SEMA4D: variants seen among roughly 807,000 people sequenced by gnomAD.
The protein encoded by SEMA4D is semaphorin 4D.
A neutral mutation model predicts 74.8 loss-of-function variants in SEMA4D; 22 were observed. That is an observed-to-expected ratio of 0.29 (90% CI 0.21 to 0.42). The LOEUF (loss-of-function observed/expected upper bound fraction) is 0.42, where lower values mean the gene tolerates loss of function less well. SEMA4D is among the 10% of genes least tolerant of loss of function. The probability of loss-of-function intolerance (pLI) is 1.00; values close to 1 mark genes in which losing one functional copy is unlikely to be tolerated. For synonymous variants in SEMA4D, 445 were observed against 463.7 expected, an observed-to-expected ratio of 0.96 and a Z score of 0.52; for missense variants, 937 against 1,118.4, an observed-to-expected ratio of 0.84 and a Z score of 2.31.
chr9:89,412,177 C>T (rs917422652), intron 2 of SEMA4D, among the ~76,000 whole-genome samples: 1 of 152,232 alleles, frequency 6.6e-6, no homozygotes, highest in Non-Finnish European at 1.5e-5. Context: ...AGGAGAAACA[C>T]AAACATCCCA....
intron 16 of SEMA4D, among the ~76,000 whole-genome samples, chr9:89,371,181 G>T (rs1220924976): frequency 1.3e-4 from 16 of 123,250 alleles, no homozygotes; most frequent in African/African-American, 5.0e-4. Flanking sequence ...GTGTGTGTGG[G>T]GGGGGTGTGG....
chr9:89,480,403 T>C (rs1224325948), intron 1 of SEMA4D, among the ~76,000 whole-genome samples: 1 of 152,390 alleles, frequency 6.6e-6, no homozygotes, highest in African/African-American at 2.4e-5. Flanking sequence ...CTGCCAGTCC[T>C]GTGCCGTGCG....
intron 16 of SEMA4D, among the ~76,000 whole-genome samples, chr9:89,371,941 GGTGT>G (rs1834997265): frequency 1.4e-5 from 2 of 142,548 alleles, no homozygotes; most frequent in Non-Finnish European, 3.1e-5. Context: ...TGTGGGGTGT[GGTGT>G]GTGTGGGGTG....
chr9:89,395,379 G>T (rs62547232), intron 6 of SEMA4D, among the ~76,000 whole-genome samples: 5,003 of 151,074 alleles, frequency 0.033, 131 homozygotes, highest in Non-Finnish European at 0.048. Flanking sequence ...AGCCGAGATC[G>T]CATCACTGTA....
intron 1 of SEMA4D, among the ~76,000 whole-genome samples, chr9:89,477,955 T>C (rs575041816): frequency 6.6e-6 from 1 of 152,330 alleles, no homozygotes; most frequent in Admixed American, 6.5e-5. Flanking sequence ...CCCCTCTGAG[T>C]CAACATGAAG....
At chr9:89,446,690 GGACCCTGGTGGCCACACCTTCTAAAACAA>G (rs1852952633) in intron 2 of SEMA4D, among the ~76,000 whole-genome samples, 2 of 152,150 alleles carry the variant, frequency 1.3e-5, no homozygotes, top group African/African-American at 4.8e-5. Context: ...GGGCCATCCT[GGACCCTGGTGGCCACACCTTCTAAAACAA>G]GGCAGCAGCA....
intron 1 of SEMA4D, among the ~76,000 whole-genome samples, chr9:89,469,458 GAA>G (rs1564905670): frequency 6.6e-6 from 1 of 152,118 alleles, no homozygotes; most frequent in Non-Finnish European, 1.5e-5. Context: ...AGCAAATCCA[GAA>G]AAAGACATTA....
intron 1 of SEMA4D, among the ~76,000 whole-genome samples, chr9:89,497,016 T>C (rs183981674): frequency 6.6e-6 from 1 of 152,290 alleles, no homozygotes; most frequent in East Asian, 1.9e-4. Context: ...AGCAACTTCA[T>C]GTGGAAAACC....
chr9:89,363,877 A>G (rs574255152), exon 17 of SEMA4D: 7 of 1,614,120 alleles, frequency 4.3e-6, no homozygotes, highest in African/African-American at 4.0e-5. Context: ...CGGGCAGTGC[A>G]TGGGTCTGCA....
At chr9:89,369,657 G>C (rs181965507) in intron 16 of SEMA4D, 1 of 152,370 alleles carries the variant, frequency 6.6e-6, no homozygotes, top group African/African-American at 2.4e-5. Flanking sequence ...CACGGGTGGT[G>C]GGGTTATTTT....
At chr9:89,401,742 CAA>C (rs1842254212) in intron 4 of SEMA4D, among the ~76,000 whole-genome samples, 1 of 152,130 alleles carries the variant, frequency 6.6e-6, no homozygotes, top group Admixed American at 6.5e-5. Flanking sequence ...TAAATAAAGG[CAA>C]AGATTCCAAG....
chr9:89,363,413 C>T lies in SEMA4D; in HGVS notation c.2190+17G>A, dbSNP rs542668230. On this transcript the variant is annotated intron_variant, in intron 18 of 18. Coordinates refer to the SEMA4D transcript ENST00000339861. ...TGGCTCCAGCCCTCCTTTCTTTGCCCGGCTGCGGCCACTTACCCACGCCTT... is the reference window on the plus strand; with the variant it reads ...TGGCTCCAGCCCTCCTTTCTTTGCCTGGCTGCGGCCACTTACCCACGCCTT... 135 of 1,609,592 alleles carry T rather than the reference C, an allele frequency of 8.4e-5. 2 individuals are homozygous for T. The East Asian group carries it at 1.3e-3, about 15-fold the overall frequency.
chr9:89,439,444 T>C (rs1004734337), intron 2 of SEMA4D, among the ~76,000 whole-genome samples: 2 of 152,232 alleles, frequency 1.3e-5, no homozygotes, highest in Non-Finnish European at 2.9e-5. Flanking sequence ...GCCTGTAAAC[T>C]GTCCAGGAAA....
intron 1 of SEMA4D, among the ~76,000 whole-genome samples, chr9:89,478,165 G>C (rs922615281): frequency 6.6e-6 from 1 of 152,228 alleles, no homozygotes; most frequent in Non-Finnish European, 1.5e-5. Flanking sequence ...TTGCCTTCTT[G>C]TGTGCTGTAA....
intron 2 of SEMA4D, among the ~76,000 whole-genome samples, chr9:89,426,371 C>T (rs969370133): frequency 1.6e-4 from 25 of 152,304 alleles, no homozygotes; most frequent in African/African-American, 6.0e-4. Context: ...AAAGTTAGAC[C>T]ACCATGACCA....
At chr9:89,434,561 A>G (rs1206568882) in intron 2 of SEMA4D, among the ~76,000 whole-genome samples, 1 of 152,204 alleles carries the variant, frequency 6.6e-6, no homozygotes, top group Non-Finnish European at 1.5e-5. Context: ...CCACCAGCGT[A>G]GCACCTTCTC....
intron 16 of SEMA4D, among the ~76,000 whole-genome samples, chr9:89,370,732 G>A (rs1374753684): frequency 6.7e-6 from 1 of 148,374 alleles, no homozygotes; most frequent in African/African-American, 2.5e-5. Flanking sequence ...TTTGTGGGGT[G>A]TGGTGTGTGT....
intron 1 of SEMA4D, among the ~76,000 whole-genome samples, chr9:89,482,918 C>A (rs1271345977): frequency 6.6e-6 from 1 of 152,220 alleles, no homozygotes; most frequent in Non-Finnish European, 1.5e-5. Flanking sequence ...TATTAAATGA[C>A]ACTCTCTTCC....
intron 2 of SEMA4D, among the ~76,000 whole-genome samples, chr9:89,410,097 TG>T (rs754349544): frequency 1.2e-3 from 182 of 149,124 alleles, no homozygotes; most frequent in Non-Finnish European, 2.2e-3. Context: ...TGGGGTAAGG[TG>T]GGGGGTGCCC....
Sources: allele counts gnomAD v4.1 joint callset (sites outside exome capture counted in the v4.1 genomes callset), GRCh38; gene constraint gnomAD v4.1.1; transcripts MANE v1.5; gene names NCBI Gene and HGNC (gene_info 2026-07-23, HGNC 2026-07-21).